Variants in HSD17B3 observed in about 807,000 individuals in gnomAD.
The protein encoded by HSD17B3 is hydroxysteroid 17-beta dehydrogenase 3.
HSD17B3 carries 29 observed loss-of-function variants against 41.1 expected under a neutral mutation model. That is an observed-to-expected ratio of 0.71 (90% CI 0.53 to 0.96). The LOEUF (loss-of-function observed/expected upper bound fraction) is 0.96, where lower values mean the gene tolerates loss of function less well. Among genes scored for constraint, HSD17B3 ranks in the 40% least tolerant of loss-of-function variants. HSD17B3 has a pLI of 0.00. For missense variants in HSD17B3, 323 were observed against 374.6 expected, an observed-to-expected ratio of 0.86 and a Z score of 1.14; for synonymous variants, 126 against 145.6, an observed-to-expected ratio of 0.87 and a Z score of 0.97.
At chr9:96,290,085 G>C (rs907511508) in intron 2 of HSD17B3, among the ~76,000 whole-genome samples, 2 of 152,052 alleles carry the variant, frequency 1.3e-5, no homozygotes, top group African/African-American at 4.8e-5. Context: ...GAGTGGAAAC[G>C]GTGTGAAAAA....
chr9:96,290,871 A>C (rs2130790216), intron 2 of HSD17B3, among the ~76,000 whole-genome samples: 1 of 152,110 alleles, frequency 6.6e-6, no homozygotes, highest in Admixed American at 6.6e-5. Flanking sequence ...AAGTCTCAAC[A>C]AAAGCCTGCC....
rs869145717 is a variant in HSD17B3 at position 96,255,367 on chromosome 9, C to CTT, written c.202-426_202-425dup. 1.6e-4 allele frequency among the ~76,000 whole-genome samples: 9 copies of CTT among 54,566 alleles called. 2 individuals are homozygous for CTT. The highest frequency in any genetic ancestry group is 2.8e-4 in the Admixed American group (1 of 3,584). The allele number at this position is 54,566 out of a possible 152,430, so 35.8% of individuals were successfully genotyped here. A position where few individuals can be genotyped will look rare whatever the true frequency, so the allele number is the denominator to read the frequency against. On this transcript the variant is annotated intron_variant, in intron 2 of 10. Transcript: ENST00000375263. ...AAGCAGTGTTTCTGCCCCAACATTT[C>CTT]TTTTTTTTTTTTTTTTTTTTTTTTT...
At chr9:96,255,862 A>C (rs898179674) in intron 2 of HSD17B3, among the ~76,000 whole-genome samples, 4 of 152,104 alleles carry the variant, frequency 2.6e-5, no homozygotes, top group Non-Finnish European at 5.9e-5. Flanking sequence ...GGCCCTGCAG[A>C]GTGGATAATG....
intron 5 of HSD17B3, chr9:96,250,348 G>A: frequency 1.5e-5 from 16 of 1,076,756 alleles, no homozygotes; most frequent in Non-Finnish European, 1.8e-5. Flanking sequence ...ACAGAGTGTG[G>A]GAGACAGAGC....
intron 2 of HSD17B3, among the ~76,000 whole-genome samples, chr9:96,275,198 A>C (rs891189619): frequency 1.3e-5 from 2 of 152,196 alleles, no homozygotes; most frequent in Non-Finnish European, 1.5e-5. Context: ...GAAGTTCATC[A>C]CCACTAGATT....
intron 2 of HSD17B3, among the ~76,000 whole-genome samples, chr9:96,275,391 GA>G (rs1272155436): frequency 6.6e-6 from 1 of 152,062 alleles, no homozygotes; most frequent in Non-Finnish European, 1.5e-5. Flanking sequence ...AAAGTTAAAA[GA>G]TAAAAATTTG....
chr9:96,262,231 T>C, intron 2 of HSD17B3, among the ~76,000 whole-genome samples: 1 of 30,880 alleles, frequency 3.2e-5, no homozygotes, highest in South Asian at 1.0e-3. Context: ...GTCAATTGCT[T>C]TTTTTTTTTT....
In HSD17B3 at chr9:96,247,078, G is replaced by A. The variant is rs757388280; in HGVS notation, c.490-488C>T. 4.3e-5 allele frequency: 10 copies of A among 231,284 alleles called. No individual in the cohort carries two copies. In the South Asian group the frequency reaches 5.4e-4, roughly 12 times the overall value. The allele number at this position is 231,284 out of a possible 1,614,324, so 14.3% of individuals were successfully genotyped here. The stretch of plus-strand genomic sequence containing the variant: ...TGCAGCTAGGCTATGAAATAGCTCC[G>A]TGGACACAGTGCATGGCCACTCCTG... On this transcript the variant is annotated intron_variant, in intron 6 of 10. Transcript: ENST00000375263.
At chr9:96,296,376 C>T (rs1827358570) in intron 2 of HSD17B3, among the ~76,000 whole-genome samples, 3 of 152,240 alleles carry the variant, frequency 2.0e-5, no homozygotes, top group South Asian at 4.1e-4. Flanking sequence ...ATCAGATCTG[C>T]TGGCACCTCG....
intron 3 of HSD17B3, among the ~76,000 whole-genome samples, chr9:96,253,894 T>C (rs1279924758): frequency 1.3e-5 from 2 of 152,072 alleles, no homozygotes; most frequent in African/African-American, 4.8e-5. Context: ...GCAGAATTCA[T>C]GGGTTCAAGG....
intron 8 of HSD17B3, among the ~76,000 whole-genome samples, chr9:96,244,884 C>T (rs1297960466): frequency 1.3e-5 from 2 of 152,064 alleles, no homozygotes; most frequent in East Asian, 3.9e-4. Context: ...ACTTCATCCC[C>T]CGGTCTGGGA....
intron 10 of HSD17B3, among the ~76,000 whole-genome samples, chr9:96,240,153 T>G (rs1301098152): frequency 6.6e-6 from 1 of 152,124 alleles, no homozygotes; most frequent in African/African-American, 2.4e-5. Flanking sequence ...GACGGGTTGA[T>G]AGGTGCAGCA....
chr9:96,279,913 G>A (rs1480883819), intron 2 of HSD17B3, among the ~76,000 whole-genome samples: 1 of 152,066 alleles, frequency 6.6e-6, no homozygotes. Flanking sequence ...GGGACTATAA[G>A]CGCCCGCCAC....
intron 2 of HSD17B3, among the ~76,000 whole-genome samples, chr9:96,296,126 G>T (rs1020391317): frequency 6.6e-6 from 1 of 152,128 alleles, no homozygotes; most frequent in African/African-American, 2.4e-5. Context: ...GCACACGCCC[G>T]TAGTCCCTGA....
At chr9:96,292,116 G>A (rs1252636629) in intron 2 of HSD17B3, among the ~76,000 whole-genome samples, 1 of 152,058 alleles carries the variant, frequency 6.6e-6, no homozygotes, top group Non-Finnish European at 1.5e-5. Flanking sequence ...CTTGATGGAT[G>A]GGCTCAGTAG....
At chr9:96,249,706 A>G (rs763628901) in intron 6 of HSD17B3, 45 bp downstream of exon 6, 1 of 1,593,342 alleles carries the variant, frequency 6.3e-7, no homozygotes, top group Admixed American at 1.7e-5. Context: ...CCAAATTTCA[A>G]GTTACTACAT....
intron 9 of HSD17B3, among the ~76,000 whole-genome samples, chr9:96,244,035 G>T (rs1215907197): frequency 6.6e-6 from 1 of 152,232 alleles, no homozygotes; most frequent in African/African-American, 2.4e-5. Flanking sequence ...TGAAGCATCA[G>T]GTAGCAAGAA....
In HSD17B3 at chr9:96,252,832, TTTTC is replaced by T; in HGVS notation, c.352_355del (p.Glu118AsnfsTer5). On this transcript the variant is annotated frameshift_variant, in exon 4 of 11. Coordinates refer to ENST00000375263, the MANE Select transcript of HSD17B3 (RefSeq NM_000197.2). LOFTEE classifies it high-confidence loss of function. ...AATTCCAATTTCTAAGCCTGCAAGT[TTTTC>T]TTTAATATGCTCGTAGATGTCATCT... 1 of 1,612,604 alleles carries T rather than the reference TTTTC, an allele frequency of 6.2e-7. No individual in the cohort carries two copies. The highest frequency in any genetic ancestry group is 8.5e-7 in the Non-Finnish European group (1 of 1,178,652).
chr9:96,251,829 C>T (rs764330206), intron 4 of HSD17B3, among the ~76,000 whole-genome samples: 46 of 152,264 alleles, frequency 3.0e-4, no homozygotes, highest in Non-Finnish European at 2.9e-4. Context: ...AAAATGTGCA[C>T]CAAAATGCTA....
Sources: allele counts gnomAD v4.1 joint callset (sites outside exome capture counted in the v4.1 genomes callset), GRCh38; gene constraint gnomAD v4.1.1; transcripts MANE v1.5; gene names NCBI Gene and HGNC (gene_info 2026-07-23, HGNC 2026-07-21).